Variants in PRR33 observed in about 807,000 individuals in gnomAD.
PRR33 encodes proline rich 33, also known as proline-rich protein 33.
A neutral mutation model predicts 0.5 loss-of-function variants in PRR33; 1 was observed. The ratio of observed to expected loss-of-function variants is 2.18; its 90% CI spans 0.77 to 10.34. PRR33 has a LOEUF of 10.34. PRR33 is among the 30% of genes most tolerant of loss of function. The pLI, the probability that PRR33 is intolerant of heterozygous loss-of-function variation, is 0.13. For missense variants in PRR33, 552 were observed against 251.8 expected, an observed-to-expected ratio of 2.19 and a Z score of -8.07; for synonymous variants, 226 against 110.0, an observed-to-expected ratio of 2.06 and a Z score of -6.60.
the PRR33 span, among the ~76,000 whole-genome samples, chr11:1,913,846 A>T: frequency 6.6e-6 from 1 of 152,242 alleles, no homozygotes; most frequent in Non-Finnish European, 1.5e-5. Flanking sequence ...CGAGCTGTGC[A>T]CTGGGATCGC....
the PRR33 span, among the ~76,000 whole-genome samples, chr11:1,905,744 A>C: frequency 6.6e-6 from 1 of 151,756 alleles, no homozygotes; most frequent in East Asian, 1.9e-4. Context: ...GTGAGCCACC[A>C]CACCTGGCCA....
chr11:1,898,527 G>A, the PRR33 span, among the ~76,000 whole-genome samples: 4 of 150,550 alleles, frequency 2.7e-5, no homozygotes, highest in South Asian at 2.2e-4. Context: ...GAGCCACCAC[G>A]CCCAGCAGAG....
chr11:1,901,785 G>A, the PRR33 span, among the ~76,000 whole-genome samples: 1 of 152,174 alleles, frequency 6.6e-6, no homozygotes, highest in African/African-American at 2.4e-5. Flanking sequence ...GACTTGTTAC[G>A]TAAATTTAAA....
chr11:1,915,555 G>T, the PRR33 span, among the ~76,000 whole-genome samples: 2 of 86,802 alleles, frequency 2.3e-5, no homozygotes, highest in Non-Finnish European at 4.3e-5. Context: ...GTTGTGGGGG[G>T]TGATGTTTCT....
chr11:1,905,990 T>C, the PRR33 span, among the ~76,000 whole-genome samples: 188 of 120,920 alleles, frequency 1.6e-3, 1 homozygote, highest in African/African-American at 5.1e-3. Flanking sequence ...AGCTAAAGTA[T>C]TTTTTTTTTT....
At chr11:1,900,456 A>G in the PRR33 span, among the ~76,000 whole-genome samples, 1 of 152,226 alleles carries the variant, frequency 6.6e-6, no homozygotes, top group Non-Finnish European at 1.5e-5. Flanking sequence ...TACCCAGTCC[A>G]AATGACATTA....
At chr11:1,888,850 G>A in exon 1 of PRR33, 3 of 355,406 alleles carry the variant, frequency 8.4e-6, no homozygotes, top group African/African-American at 2.1e-5. Context: ...CTTACCTAAA[G>A]TTTTCATCCC....
upstream of PRR33, among the ~76,000 whole-genome samples, chr11:1,893,667 G>A (rs1384428249): frequency 6.6e-6 from 1 of 151,326 alleles, no homozygotes; most frequent in Non-Finnish European, 1.5e-5. Flanking sequence ...GGGATGGGTA[G>A]GTGGTTGGAT....
the PRR33 span, among the ~76,000 whole-genome samples, chr11:1,905,328 T>C: frequency 2.0e-5 from 3 of 151,770 alleles, no homozygotes; most frequent in Admixed American, 2.0e-4. Flanking sequence ...GTTTTCGCCA[T>C]GTTGGCCAGG....
chr11:1,903,449 T>C, the PRR33 span, among the ~76,000 whole-genome samples: 2 of 152,162 alleles, frequency 1.3e-5, no homozygotes, highest in African/African-American at 4.8e-5. Context: ...CCAGGCCTCA[T>C]TTGCCTTTTG....
the PRR33 span, among the ~76,000 whole-genome samples, chr11:1,909,239 C>T: frequency 1.3e-5 from 2 of 152,052 alleles, no homozygotes; most frequent in African/African-American, 2.4e-5. Flanking sequence ...CGGCTCACAC[C>T]TGTAATCCCA....
the PRR33 span, among the ~76,000 whole-genome samples, chr11:1,909,472 G>A: frequency 2.6e-5 from 4 of 152,184 alleles, no homozygotes; most frequent in African/African-American, 4.8e-5. Flanking sequence ...TTAGCCGGGC[G>A]TGGTGGCACG....
In PRR33 at chr11:1,889,722, C is replaced by A. The variant is rs537540188; in HGVS notation, c.863G>T (p.Gly288Val). 26 of 652,892 alleles carry A rather than the reference C, an allele frequency of 4.0e-5. No individual in the cohort carries two copies. In the East Asian group the frequency reaches 6.6e-4, roughly 16 times the overall value. 40.4% of individuals were successfully genotyped at this position (652,892 alleles called of 1,614,324 possible). The change falls in exon 1 of 1, where the codon GGC becomes GTC. Residue 288 changes from glycine to valine, a missense_variant. By Grantham distance (109) the Gly-to-Val change is moderately radical. Transcript: ENST00000640310. ...CTCCTCCAGGTGCTCTCTGCCAGGG[C>A]CCATGGGGACCAGGCTGTGCGGTGA...
chr11:1,903,344 C>T, the PRR33 span: 5 of 152,062 alleles, frequency 3.3e-5, no homozygotes, highest in East Asian at 3.9e-4. Flanking sequence ...GGGTGTCTCA[C>T]TGTATCGCCC....
chr11:1,908,520 G>T, the PRR33 span, among the ~76,000 whole-genome samples: 1 of 151,966 alleles, frequency 6.6e-6, no homozygotes, highest in South Asian at 2.1e-4. Context: ...CTTTTCAAGA[G>T]GACCGTCGCT....
At chr11:1,916,322 G>C in the PRR33 span, among the ~76,000 whole-genome samples, 1 of 152,098 alleles carries the variant, frequency 6.6e-6, no homozygotes, top group Non-Finnish European at 1.5e-5. Flanking sequence ...ACTATTTTCT[G>C]AAGGCTTCAT....
chr11:1,910,246 G>C, the PRR33 span, among the ~76,000 whole-genome samples: 1 of 152,214 alleles, frequency 6.6e-6, no homozygotes, highest in East Asian at 1.9e-4. Context: ...GTCACTGGGC[G>C]CCATTGTGGT....
chr11:1,888,067 A>G (rs1589833920), downstream of PRR33, among the ~76,000 whole-genome samples: 1 of 152,128 alleles, frequency 6.6e-6, no homozygotes, highest in Non-Finnish European at 1.5e-5. Flanking sequence ...CAGACAGAGC[A>G]GTGCCACTCC....
the PRR33 span, among the ~76,000 whole-genome samples, chr11:1,916,657 C>T: frequency 1.2e-3 from 178 of 152,262 alleles, 1 homozygote; most frequent in Non-Finnish European, 1.9e-3. Flanking sequence ...GAGGAGGCAG[C>T]CACTGCCCAC....
Sources: gnomAD v4.1 joint callset for allele counts (sites outside exome capture counted in the v4.1 genomes callset) on GRCh38, gnomAD v4.1.1 for gene constraint, MANE v1.5 for transcripts, NCBI Gene and HGNC (gene_info 2026-07-23, HGNC 2026-07-21) for gene names.